The following TBC1D16 variants were observed in gnomAD, a reference collection of about 807,000 sequenced individuals.
TBC1D16 encodes the protein TBC1 domain family member 16, also known as CTD-2529O21.1.
TBC1D16 carries 58 observed loss-of-function variants against 74.7 expected under a neutral mutation model. The ratio of observed to expected loss-of-function variants is 0.78; its 90% CI spans 0.63 to 0.97. TBC1D16 has a LOEUF of 0.97. Ranked by LOEUF, TBC1D16 falls within the 50% of genes least tolerant of loss-of-function variation. The probability of loss-of-function intolerance (pLI) is 0.00; values close to 1 mark genes in which losing one functional copy is unlikely to be tolerated. For missense variants in TBC1D16, 1,014 were observed against 1,079.5 expected (o/e 0.94, Z 0.85); for synonymous variants, 493 against 474.7 (o/e 1.04, Z -0.50).
In TBC1D16 at chr17:80,011,683, G is replaced by A. The variant is rs181924863; in HGVS notation, c.182-926C>T. Among the ~76,000 whole-genome samples the A allele has an allele frequency of 2.0e-3, 306 of 152,184 alleles. 2 individuals carry two copies. Among genetic ancestry groups the A allele is most frequent in the African/African-American group, 7.1e-3 (296 of 41,506 alleles). On this transcript the variant is annotated intron_variant, in intron 2 of 11. Transcript: ENST00000310924. Reference sequence around the variant, plus strand: ...CTACTAAATGTACAAAAAATTAGCCGGGCGTGATGGTGGGCGCCTGTAGTC... The same window carrying A: ...CTACTAAATGTACAAAAAATTAGCCAGGCGTGATGGTGGGCGCCTGTAGTC...
Position 80,023,540 on chromosome 17 carries a change from A to G in TBC1D16, c.-62-9931T>C, listed in dbSNP as rs957992760. 4.7e-5 allele frequency among the ~76,000 whole-genome samples: 7 copies of G among 150,120 alleles called. 1 individual carries two copies. The highest frequency in any genetic ancestry group is 1.8e-4 in the African/African-American group (7 of 39,512). ...TCCTGCTTCGTGTGGCCACTGCTGAAAGAGACGCTCAGTGCCACTTAGAGC... is the reference window on the plus strand; with the variant it reads ...TCCTGCTTCGTGTGGCCACTGCTGAGAGAGACGCTCAGTGCCACTTAGAGC... On this transcript the variant is annotated intron_variant, in intron 1 of 11. Coordinates refer to ENST00000310924, the MANE Select transcript of TBC1D16 (RefSeq NM_019020.4).
At chr17:79,977,914 C>T (rs957360573) in intron 3 of TBC1D16, among the ~76,000 whole-genome samples, 2 of 152,246 alleles carry the variant, frequency 1.3e-5, no homozygotes, top group African/African-American at 4.8e-5. Context: ...TCGGCGACTG[C>T]GGTGCCTTCT....
chr17:80,035,283 C>T lies in TBC1D16; in HGVS notation c.-63+512G>A, dbSNP rs2036933795. On this transcript the variant is annotated intron_variant, in intron 1 of 11. Coordinates refer to ENST00000310924, the MANE Select transcript of TBC1D16 (RefSeq NM_019020.4). The surrounding 1 kb of genome is among the most constrained non-coding windows in gnomAD (Gnocchi z 5.3). ...AAAGAACAAGGGAGCCCAGGCGGAA[C>T]GGAAGTGAGTATCCCGACACGCGGA... is the stretch of plus-strand genomic sequence containing the variant. Among the ~76,000 whole-genome samples the T allele has an allele frequency of 6.6e-6, 1 of 150,526 alleles. No individual in the cohort carries two copies. Among genetic ancestry groups the T allele is most frequent in the Non-Finnish European group, 1.5e-5 (1 of 67,796 alleles).
rs1285238666 is a variant in TBC1D16, at chr17:79,981,356, C to G, written c.780-28538G>C. ...ACCAGCGGCGGGTATGTTCTTAGACCCTCCATCTGCCCGGGCCCTGCTGGG... is the reference window on the plus strand; with the variant it reads ...ACCAGCGGCGGGTATGTTCTTAGACGCTCCATCTGCCCGGGCCCTGCTGGG... On this transcript the variant is annotated intron_variant, in intron 3 of 11. Coordinates refer to ENST00000310924, the MANE Select transcript of TBC1D16 (RefSeq NM_019020.4). The surrounding 1 kb of genome is among the most constrained non-coding windows in gnomAD (Gnocchi z 6.9). 1.3e-5 allele frequency among the ~76,000 whole-genome samples: 2 copies of G among 152,168 alleles called. No individual in the cohort carries two copies. The highest frequency in any genetic ancestry group is 1.3e-4 in the Admixed American group (2 of 15,282).
intron 10 of TBC1D16, among the ~76,000 whole-genome samples, chr17:79,943,020 G>A (rs2143445110): frequency 6.6e-6 from 1 of 152,336 alleles, no homozygotes; most frequent in South Asian, 2.1e-4. Flanking sequence ...CGCTTCCGGA[G>A]GCACAGGAAG....
chr17:79,989,658 C>T (rs1438659074), intron 3 of TBC1D16, among the ~76,000 whole-genome samples: 1 of 152,242 alleles, frequency 6.6e-6, no homozygotes, highest in Non-Finnish European at 1.5e-5. Context: ...CCTGGCAATG[C>T]CAAAGGCCGA....
chr17:80,018,407 G>T (rs1021156000), intron 1 of TBC1D16, among the ~76,000 whole-genome samples: 1 of 148,728 alleles, frequency 6.7e-6, no homozygotes, highest in Non-Finnish European at 1.5e-5. Flanking sequence ...TCAGCCTCCC[G>T]AGTAGCTGGG....
At chr17:80,028,252 C>T (rs552863915) in intron 1 of TBC1D16, among the ~76,000 whole-genome samples, 1 of 152,110 alleles carries the variant, frequency 6.6e-6, no homozygotes, top group South Asian at 2.1e-4. Context: ...AAAGAATAGC[C>T]GGGCGCAGTG....
intron 3 of TBC1D16, among the ~76,000 whole-genome samples, chr17:79,984,560 A>AAGAGAGAG (rs1555877045): frequency 1.2e-4 from 16 of 132,672 alleles, no homozygotes; most frequent in East Asian, 4.1e-4. Context: ...AAAAGAAAGA[A>AAGAGAGAG]AGAGAGAGAG....
Position 79,950,892 on chromosome 17 carries a change from G to C in TBC1D16, c.1090-314C>G. On this transcript the variant is annotated intron_variant, in intron 5 of 11. Coordinates refer to ENST00000310924, the MANE Select transcript of TBC1D16 (RefSeq NM_019020.4). This position sits in a 1 kb window ranked among gnomAD's most constrained non-coding sequence, Gnocchi z 4.6. ...GGCCTAACTTCCCTCTGCCGGGAGG[G>C]CCTGCAATGAATTACATGTGATTGG... The C allele has an allele frequency of 6.8e-7, 1 of 1,474,882 alleles. No individual in the cohort carries two copies. The highest frequency in any genetic ancestry group is 9.0e-7 in the Non-Finnish European group (1 of 1,107,104). 91.4% of individuals were successfully genotyped at this position (1,474,882 alleles called of 1,614,324 possible). A position where few individuals can be genotyped will look rare whatever the true frequency, so the allele number is the denominator to read the frequency against.
chr17:79,950,822 A>G lies in TBC1D16; in HGVS notation c.1090-244T>C. 3 of 1,532,010 alleles carry G rather than the reference A, an allele frequency of 2.0e-6. No homozygotes were observed. The highest frequency in any genetic ancestry group is 2.6e-6 in the Non-Finnish European group (3 of 1,144,880). The allele number at this position is 1,532,010 out of a possible 1,614,324, so 94.9% of individuals were successfully genotyped here. ...CCGGCCCACTGTGCCGCCGCCCCCC[A>G]CTCTCTCCAACCCCAGCCGCAAAAA... On this transcript the variant is annotated intron_variant, in intron 5 of 11. Transcript: ENST00000310924. This position sits in a 1 kb window ranked among gnomAD's most constrained non-coding sequence, Gnocchi z 4.6.
intron 8 of TBC1D16, among the ~76,000 whole-genome samples, chr17:79,948,665 C>A (rs565363660): frequency 2.0e-5 from 3 of 152,188 alleles, no homozygotes; most frequent in Non-Finnish European, 4.4e-5. Context: ...GGGCAGGGAC[C>A]TGGGTGGCTT....
In TBC1D16 at chr17:79,941,099, A is replaced by G; in HGVS notation, c.2064T>C (p.Ser688=). ...GCAGGAGGCGGAACTGGTACAGCAA[A>G]CTCCTCGCCTGCAGACAGAGGACGG... The part of the protein sequence containing the change: ...NGELVLRKAR[S]LLYQFRLLPR... The change falls in exon 12 of 12, where the codon AGT becomes AGC. Residue 688 remains serine (S), a synonymous_variant. Coordinates refer to ENST00000310924, the MANE Select transcript of TBC1D16 (RefSeq NM_019020.4). This position sits in a 1 kb window ranked among gnomAD's most constrained non-coding sequence, Gnocchi z 4.3. 2 of 1,572,786 alleles carry G rather than the reference A, an allele frequency of 1.3e-6. No homozygotes were observed. The highest frequency in any genetic ancestry group is 2.3e-5 in the South Asian group (2 of 86,590).
rs2033266849 is a variant in TBC1D16 at position 79,954,971 on chromosome 17, C to T, written c.780-2153G>A. ...GGCAGTCACGGATGGAGGGCCCCCT[C>T]CCTGCTGCCGTGGCCACAGAAGACT... On this transcript the variant is annotated intron_variant, in intron 3 of 11. Coordinates refer to ENST00000310924, the MANE Select transcript of TBC1D16 (RefSeq NM_019020.4). The surrounding 1 kb of genome is among the most constrained non-coding windows in gnomAD (Gnocchi z 5.5). Among the ~76,000 whole-genome samples the T allele has an allele frequency of 6.6e-6, 1 of 152,184 alleles. No individual in the cohort carries two copies. Among genetic ancestry groups the T allele is most frequent in the South Asian group, 2.1e-4 (1 of 4,830 alleles).
intron 3 of TBC1D16, among the ~76,000 whole-genome samples, chr17:79,982,505 A>G (rs114965645): frequency 1.9e-4 from 29 of 152,136 alleles, no homozygotes; most frequent in African/African-American, 7.0e-4. Flanking sequence ...TCTGCACACA[A>G]TACACCGAAC....
rs1043802706 is a variant in TBC1D16, at chr17:79,985,633, C to G, written c.779+24527G>C. On this transcript the variant is annotated intron_variant, in intron 3 of 11. Transcript: ENST00000310924. This position sits in a 1 kb window ranked among gnomAD's most constrained non-coding sequence, Gnocchi z 4.9. ...GGGTCCAAGGGTCCCCATCCGGTGG[C>G]AGCCATTCCGCATTGATCTCCATTT... Among the ~76,000 whole-genome samples, 1 of 152,160 alleles carries G rather than the reference C, an allele frequency of 6.6e-6. No individual in the cohort carries two copies. Among genetic ancestry groups the G allele is most frequent in the Non-Finnish European group, 1.5e-5 (1 of 68,024 alleles).
intron 1 of TBC1D16, 35 bp from the exon 2 acceptor site, chr17:80,013,644 G>A (rs1216037100): frequency 7.6e-7 from 1 of 1,310,352 alleles, no homozygotes; most frequent in Non-Finnish European, 1.0e-6. Context: ...GGTCAAGGTT[G>A]TGGACTTGCG....
rs1249626057 is a variant in TBC1D16 at position 79,980,327 on chromosome 17, G to A, written c.780-27509C>T. 1.3e-5 allele frequency among the ~76,000 whole-genome samples: 2 copies of A among 152,150 alleles called. No individual in the cohort carries two copies. The highest frequency in any genetic ancestry group is 2.9e-5 in the Non-Finnish European group (2 of 68,034). On this transcript the variant is annotated intron_variant, in intron 3 of 11. Transcript: ENST00000310924. This position sits in a 1 kb window ranked among gnomAD's most constrained non-coding sequence, Gnocchi z 7.0. ...CCCTTCTCTCTTGGCTTCACGGCAC[G>A]GGCTTCTTGACCACCATGTAGGGTC...
intron 4 of TBC1D16, 141 bp downstream of exon 4, chr17:79,952,516 G>T: frequency 9.3e-7 from 1 of 1,077,834 alleles, no homozygotes; most frequent in Non-Finnish European, 1.3e-6. Context: ...AGATCAGCGA[G>T]GGAGGAAAGC....
Sources: allele counts gnomAD v4.1 joint callset (sites outside exome capture counted in the v4.1 genomes callset), GRCh38; gene constraint gnomAD v4.1.1; non-coding constraint Gnocchi (gnomAD v3.1); transcripts MANE v1.5; gene names NCBI Gene and HGNC (gene_info 2026-07-23, HGNC 2026-07-21).